Variants in VIT observed in about 807,000 individuals in gnomAD.
VIT encodes vitrin.
VIT carries 99 observed loss-of-function variants against 78.0 expected under a neutral mutation model. The ratio of observed to expected loss-of-function variants is 1.27; its 90% confidence interval spans 1.08 to 1.50. VIT has a LOEUF of 1.50. Among genes scored for constraint, VIT ranks in the 40% most tolerant of loss-of-function variants. The pLI is 0.00. For synonymous variants in VIT, 374 were observed against 334.3 expected (o/e 1.12, Z -1.29); for missense variants, 1,126 against 875.3 (o/e 1.29, Z -3.61).
intron 9 of VIT, among the ~76,000 whole-genome samples, chr2:36,777,061 C>G (rs1398141066): frequency 3.4e-5 from 4 of 117,716 alleles, no homozygotes; most frequent in South Asian, 2.8e-4. Flanking sequence ...TGCACTCCAG[C>G]CTGGGCGACA....
intron 1 of VIT, among the ~76,000 whole-genome samples, chr2:36,707,683 G>A (rs1665518043): frequency 6.6e-6 from 1 of 152,124 alleles, no homozygotes; most frequent in Non-Finnish European, 1.5e-5. Flanking sequence ...AAGGAGGAAG[G>A]GGAAAACGAT....
chr2:36,802,122 A>AGCAG (rs1425287618), intron 13 of VIT, among the ~76,000 whole-genome samples: 2 of 152,166 alleles, frequency 1.3e-5, no homozygotes, highest in African/African-American at 4.8e-5. Flanking sequence ...GTGATATCTG[A>AGCAG]GCCTTTGGGG....
chr2:36,775,931 G>A (rs1280677956), intron 9 of VIT, among the ~76,000 whole-genome samples: 3 of 152,082 alleles, frequency 2.0e-5, no homozygotes, highest in Admixed American at 6.5e-5. Flanking sequence ...GATATCCTTC[G>A]ACCAACTCTC....
chr2:36,794,994 C>A (rs1665767011), intron 12 of VIT, among the ~76,000 whole-genome samples: 1 of 152,030 alleles, frequency 6.6e-6, no homozygotes, highest in African/African-American at 2.4e-5. Context: ...AGAGTGTTCA[C>A]CTCCACTGGG....
intron 2 of VIT, among the ~76,000 whole-genome samples, chr2:36,727,779 C>T (rs1262157686): frequency 1.3e-5 from 2 of 152,192 alleles, no homozygotes; most frequent in Admixed American, 1.3e-4. Flanking sequence ...TGTAGTATAA[C>T]ACATTACTCA....
intron 14 of VIT, among the ~76,000 whole-genome samples, chr2:36,806,304 G>T (rs1666722680): frequency 6.6e-6 from 1 of 152,188 alleles, no homozygotes; most frequent in Non-Finnish European, 1.5e-5. Flanking sequence ...GGCCCTTCCA[G>T]CTTTAATATT....
chr2:36,814,453 A>C lies in VIT; in HGVS notation c.*92A>C. Reference sequence around the variant, plus strand: ...TTAATGGGGCACGCACGGTGCATCAAGTCTTGGGCAGGGCATGGAGAAACA... The same window carrying C: ...TTAATGGGGCACGCACGGTGCATCACGTCTTGGGCAGGGCATGGAGAAACA... On this transcript the variant is annotated 3_prime_UTR_variant, in exon 16 of 16. Coordinates refer to ENST00000379242, the MANE Select transcript of VIT (RefSeq NM_053276.4). 6.9e-7 allele frequency: 1 copy of C among 1,440,150 alleles called. No homozygotes were observed. Among genetic ancestry groups the C allele is most frequent in the Non-Finnish European group, 9.4e-7 (1 of 1,061,814 alleles). 89.2% of individuals were successfully genotyped at this position (1,440,150 alleles called of 1,614,324 possible).
At chr2:36,812,571 C>G (rs927751862) in intron 15 of VIT, among the ~76,000 whole-genome samples, 3 of 152,140 alleles carry the variant, frequency 2.0e-5, no homozygotes, top group Non-Finnish European at 4.4e-5. Flanking sequence ...CTTCTCCCCA[C>G]TGCAATCCAA....
intron 6 of VIT, among the ~76,000 whole-genome samples, chr2:36,765,297 G>C (rs1376794932): frequency 2.0e-5 from 3 of 152,022 alleles, no homozygotes; most frequent in Non-Finnish European, 2.9e-5. Context: ...CCCAAGACTG[G>C]GTAATTTACA....
intron 12 of VIT, among the ~76,000 whole-genome samples, chr2:36,791,122 G>C (rs1558575940): frequency 6.6e-6 from 1 of 152,214 alleles, no homozygotes; most frequent in Non-Finnish European, 1.5e-5. Flanking sequence ...GTGGGATGAA[G>C]GGAACTGTTG....
Position 36,801,345 on chromosome 2 carries a change from C to G in VIT, c.1103C>G (p.Ser368Cys), listed in dbSNP as rs768990791. The change falls in exon 13 of 16, where the codon TCT (serine) becomes TGT (cysteine). Residue 368 changes from serine (S) to cysteine (C), a missense_variant. Ser to Cys is a moderately radical substitution (Grantham distance 112). Transcript: ENST00000379242. ...THFNLKTHTNSRDLKTAIEKI... is the reference protein window; with the variant it reads ...THFNLKTHTNCRDLKTAIEKI... ...TTTAACCTCAAGACACACACGAATT[C>G]TCGAGATCTGAAGACAGCCATAGAG... 3.7e-6 allele frequency: 6 copies of G among 1,614,006 alleles called. No homozygotes were observed. The highest frequency in any genetic ancestry group is 8.5e-7 in the Non-Finnish European group (1 of 1,180,044).
At chr2:36,788,829 T>C (rs148799629) in intron 12 of VIT, among the ~76,000 whole-genome samples, 8 of 152,020 alleles carry the variant, frequency 5.3e-5, no homozygotes, top group Non-Finnish European at 1.0e-4. Context: ...TAGTATAATA[T>C]GAAAATAAGA....
intron 1 of VIT, among the ~76,000 whole-genome samples, chr2:36,706,729 C>T (rs1038638659): frequency 2.6e-5 from 4 of 152,222 alleles, no homozygotes; most frequent in East Asian, 1.9e-4. Flanking sequence ...TGACTGTCAT[C>T]TCTGCATCTG....
chr2:36,774,177 G>A (rs767218569), intron 8 of VIT, among the ~76,000 whole-genome samples: 12 of 152,240 alleles, frequency 7.9e-5, no homozygotes, highest in African/African-American at 1.4e-4. Flanking sequence ...GGTAAAACAC[G>A]AAGGGAAATT....
At chr2:36,774,881 A>G (rs1242460250) in intron 8 of VIT, 121 bp from the exon 9 acceptor site, 9 of 1,505,308 alleles carry the variant, frequency 6.0e-6, no homozygotes, top group East Asian at 2.4e-5. Flanking sequence ...CCAGGCACAG[A>G]GAGCTCGGCC....
At position 36,810,130 on chromosome 2, in the gene VIT, A is replaced by G. The variant is rs188097900; in HGVS notation, c.1903+1145A>G. ...AACATGCAGAAACCCCGTCGCTACT[A>G]AAAATACAAAATTGGCCAGGCAAGG... On this transcript the variant is annotated intron_variant, in intron 15 of 15. Coordinates refer to ENST00000379242, the MANE Select transcript of VIT (RefSeq NM_053276.4). Among the ~76,000 whole-genome samples, 70 of 152,278 alleles carry G rather than the reference A, an allele frequency of 4.6e-4. 1 individual carries two copies. In the East Asian group the frequency reaches 0.013, roughly 29 times the overall value.
intron 1 of VIT, among the ~76,000 whole-genome samples, chr2:36,699,657 G>GATAA (rs1664920808): frequency 6.6e-6 from 1 of 151,956 alleles, no homozygotes; most frequent in African/African-American, 2.4e-5. Context: ...TAGATAGATA[G>GATAA]ATAGATAGAT....
intron 1 of VIT, among the ~76,000 whole-genome samples, chr2:36,699,414 A>G (rs1217490027): frequency 6.6e-6 from 1 of 152,136 alleles, no homozygotes. Context: ...TATGAAAATT[A>G]TGGTATATTT....
chr2:36,716,490 A>T, intron 2 of VIT, 68 bp downstream of exon 2: 1 of 1,497,710 alleles, frequency 6.7e-7, no homozygotes, highest in Non-Finnish European at 9.3e-7. Flanking sequence ...GAATCTAGCC[A>T]AGAAAAGTTT....
Sources: allele counts gnomAD v4.1 joint callset (sites outside exome capture counted in the v4.1 genomes callset), GRCh38; gene constraint gnomAD v4.1.1; transcripts MANE v1.5; gene names NCBI Gene and HGNC (gene_info 2026-07-23, HGNC 2026-07-21).